Variants in RYR2 observed in about 807,000 individuals in gnomAD.
The protein encoded by RYR2 is cardiac muscle ryanodine receptor-calcium release channel.
RYR2 carries 227 observed loss-of-function variants against 601.1 expected under a neutral mutation model. The observed-to-expected ratio is 0.38, with a 90% CI of 0.34 to 0.42. The LOEUF is 0.42. RYR2 is among the 10% of genes least tolerant of loss of function. The probability of loss-of-function intolerance (pLI) is 1.00; values close to 1 mark genes in which losing one functional copy is unlikely to be tolerated. For missense variants in RYR2, 4,646 were observed against 6,156.5 expected, an observed-to-expected ratio of 0.75 and a Z score of 8.21; for synonymous variants, 2,223 against 2,175.1, an observed-to-expected ratio of 1.02 and a Z score of -0.61.
chr1:237,109,541 G>T (rs1258111390), intron 1 of RYR2, among the ~76,000 whole-genome samples: 2 of 152,106 alleles, frequency 1.3e-5, no homozygotes, highest in African/African-American at 4.8e-5. Flanking sequence ...TGAATCTCCC[G>T]AAGGGCCTCG....
At chr1:237,199,670 C>T (rs1454808154) in intron 1 of RYR2, among the ~76,000 whole-genome samples, 1 of 152,166 alleles carries the variant, frequency 6.6e-6, no homozygotes, top group Non-Finnish European at 1.5e-5. Context: ...TTGCATCCTT[C>T]AGTCCTATCA....
At position 237,627,924 on chromosome 1, in the gene RYR2, T is replaced by C. The variant is rs142498105; in HGVS notation, c.6284T>C (p.Ile2095Thr). Reference sequence around the variant, plus strand: ...TTGCTCCATCGGCAGTATGACGGCATTGGGGGTCTTGTTCGGGCCCTGCCA... The same window carrying C: ...TTGCTCCATCGGCAGTATGACGGCACTGGGGGTCTTGTTCGGGCCCTGCCA... ...FVLLHRQYDG[I>T]GGLVRALPKT... Residue 2095 changes from isoleucine to threonine, a missense_variant, in exon 41 of 105, where the codon ATT (isoleucine) becomes ACT (threonine). By Grantham distance (89) the Ile-to-Thr change is moderately conservative (BLOSUM62 -1). This residue lies in a region of RYR2 where 170 missense variants were observed against 184.5 expected (regional missense o/e 0.92). Transcript: ENST00000366574. 1.9e-5 allele frequency: 30 copies of C among 1,613,812 alleles called. No homozygotes were observed. The highest frequency in any genetic ancestry group is 1.6e-4 in the East Asian group (7 of 44,846).
chr1:237,790,524 T>C (rs1658248034), intron 92 of RYR2, among the ~76,000 whole-genome samples: 1 of 152,140 alleles, frequency 6.6e-6, no homozygotes, highest in African/African-American at 2.4e-5. Context: ...CAAGTCCTCC[T>C]GAAATCCTCT....
intron 1 of RYR2, among the ~76,000 whole-genome samples, chr1:237,233,620 A>G (rs1265393556): frequency 6.6e-6 from 1 of 152,158 alleles, no homozygotes; most frequent in East Asian, 1.9e-4. Context: ...GTCAGTCAAG[A>G]GTAATGGCTA....
At chr1:237,202,775 A>C (rs971343568) in intron 1 of RYR2, among the ~76,000 whole-genome samples, 7 of 152,128 alleles carry the variant, frequency 4.6e-5, no homozygotes, top group Non-Finnish European at 7.3e-5. Context: ...TGAAGATGGC[A>C]TCTGCATCTT....
At chr1:237,452,766 T>C (rs1658357691) in intron 14 of RYR2, among the ~76,000 whole-genome samples, 1 of 151,398 alleles carries the variant, frequency 6.6e-6, no homozygotes, top group Non-Finnish European at 1.5e-5. Context: ...TCTGGATGAT[T>C]TTTTTTCTCC....
intron 1 of RYR2, among the ~76,000 whole-genome samples, chr1:237,217,791 A>G (rs1465219169): frequency 6.6e-6 from 1 of 152,184 alleles, no homozygotes; most frequent in Non-Finnish European, 1.5e-5. Context: ...TGTGGGATGC[A>G]CCCTGAGTAT....
chr1:237,086,079 C>T (rs762154176), intron 1 of RYR2, among the ~76,000 whole-genome samples: 4 of 152,248 alleles, frequency 2.6e-5, no homozygotes, highest in Non-Finnish European at 5.9e-5. Flanking sequence ...TAGCCTAAGG[C>T]ATGCTCTGTT....
intron 66 of RYR2, among the ~76,000 whole-genome samples, chr1:237,704,108 G>C (rs1426971115): frequency 6.6e-6 from 1 of 152,082 alleles, no homozygotes; most frequent in African/African-American, 2.4e-5. Flanking sequence ...CTATGCAACA[G>C]AAAACAGGTA....
chr1:237,474,775 C>T (rs971621867), intron 17 of RYR2, among the ~76,000 whole-genome samples: 1 of 152,158 alleles, frequency 6.6e-6, no homozygotes, highest in Admixed American at 6.5e-5. Context: ...CTGCAGCCAT[C>T]TGCCAGCATA....
At chr1:237,042,826 C>T (rs1179313353) in intron 1 of RYR2, among the ~76,000 whole-genome samples, 1 of 152,004 alleles carries the variant, frequency 6.6e-6, no homozygotes, top group Non-Finnish European at 1.5e-5. Flanking sequence ...GGCAGGCGCC[C>T]GGGCTCGGAC....
intron 10 of RYR2, among the ~76,000 whole-genome samples, chr1:237,393,341 C>A (rs1702548709): frequency 1.3e-5 from 2 of 152,164 alleles, no homozygotes; most frequent in African/African-American, 2.4e-5. Context: ...AAGATTTTTA[C>A]CTCCATGCCC....
intron 2 of RYR2, among the ~76,000 whole-genome samples, chr1:237,304,466 T>C (rs116532327): frequency 6.6e-6 from 1 of 152,236 alleles, no homozygotes. Flanking sequence ...CTGATTATTC[T>C]GAATCTCTGT....
At chr1:237,142,131 T>C (rs1430185762) in intron 1 of RYR2, among the ~76,000 whole-genome samples, 2 of 152,178 alleles carry the variant, frequency 1.3e-5, no homozygotes, top group East Asian at 3.9e-4. Flanking sequence ...TCTGAAGCCC[T>C]GGGTGGCTGT....
chr1:237,307,437 A>G (rs1001850399), intron 2 of RYR2, among the ~76,000 whole-genome samples: 1 of 152,222 alleles, frequency 6.6e-6, no homozygotes, highest in Non-Finnish European at 1.5e-5. Flanking sequence ...CTAGATTTTT[A>G]TAGTATGAGA....
chr1:237,185,559 C>T (rs1030023882), intron 1 of RYR2, among the ~76,000 whole-genome samples: 3 of 151,526 alleles, frequency 2.0e-5, no homozygotes, highest in East Asian at 3.9e-4. Context: ...GACTCTCTCT[C>T]GGTGCTCCTG....
intron 17 of RYR2, among the ~76,000 whole-genome samples, chr1:237,476,572 A>G (rs1661437724): frequency 6.6e-6 from 1 of 150,476 alleles, no homozygotes; most frequent in Non-Finnish European, 1.5e-5. Context: ...TCCAGATATC[A>G]AAGCTTCATG....
intron 1 of RYR2, among the ~76,000 whole-genome samples, chr1:237,049,426 G>C (rs1660980056): frequency 6.6e-6 from 1 of 152,178 alleles, no homozygotes; most frequent in Admixed American, 6.5e-5. Context: ...CTTGGGGCTG[G>C]TGGGGTCAGA....
At chr1:237,501,839 C>CA (rs1664673233) in intron 21 of RYR2, among the ~76,000 whole-genome samples, 1 of 152,028 alleles carries the variant, frequency 6.6e-6, no homozygotes, top group African/African-American at 2.4e-5. Context: ...ACCTGATACA[C>CA]AAATTAGAAA....
Sources: gnomAD v4.1 joint callset for allele counts (sites outside exome capture counted in the v4.1 genomes callset) on GRCh38, gnomAD v4.1.1 for gene constraint, gnomAD v4.1.1 regional missense constraint, MANE v1.5 for transcripts, NCBI Gene and HGNC (gene_info 2026-07-23, HGNC 2026-07-21) for gene names.